Variants in SPON1 observed in about 807,000 individuals in gnomAD.
The protein encoded by SPON1 is spondin 1.
In SPON1, 52 loss-of-function variants were observed where a neutral mutation model predicts 111.7. The ratio of observed to expected loss-of-function variants is 0.47; its 90% CI spans 0.37 to 0.59. SPON1 has a LOEUF of 0.59. Ranked by LOEUF, SPON1 falls within the 20% of genes least tolerant of loss-of-function variation. The pLI, the probability that SPON1 is intolerant of heterozygous loss-of-function variation, is 0.00. For missense variants in SPON1, 957 were observed against 1,068.5 expected, an observed-to-expected ratio of 0.90 and a Z score of 1.46; for synonymous variants, 410 against 395.8, an observed-to-expected ratio of 1.04 and a Z score of -0.43.
In SPON1 at chr11:14,161,171, ATATC is replaced by A. The variant is rs1554931226; in HGVS notation, c.825+25607_825+25610del. On this transcript the variant is annotated intron_variant, in intron 6 of 15. Coordinates refer to ENST00000576479, the MANE Select transcript of SPON1 (RefSeq NM_006108.4). ...ATCTATATATTTTATATATATCTAT[ATATC>A]TATATATTTATATATCTATATATAT... is the stretch of plus-strand genomic sequence containing the variant. Among the ~76,000 whole-genome samples, 2 of 119,894 alleles carry A rather than the reference ATATC, an allele frequency of 1.7e-5. 1 individual carries two copies. Among genetic ancestry groups the A allele is most frequent in the Non-Finnish European group, 3.3e-5 (2 of 61,076 alleles). 78.7% of individuals were successfully genotyped at this position (119,894 alleles called of 152,430 possible). A position where few individuals can be genotyped will look rare whatever the true frequency, so the allele number is the denominator to read the frequency against.
chr11:14,098,520 C>A (rs1462026898), intron 5 of SPON1, among the ~76,000 whole-genome samples: 1 of 152,076 alleles, frequency 6.6e-6, no homozygotes, highest in Non-Finnish European at 1.5e-5. Flanking sequence ...CTCAATAATT[C>A]TTGCCTTAGC....
intron 6 of SPON1, among the ~76,000 whole-genome samples, chr11:14,156,996 G>A (rs981550966): frequency 9.2e-5 from 14 of 152,176 alleles, no homozygotes; most frequent in Admixed American, 4.6e-4. Flanking sequence ...AGATTTGGTC[G>A]AGGACGGAGA....
At chr11:14,198,094 C>T (rs1224746863) in intron 6 of SPON1, among the ~76,000 whole-genome samples, 1 of 152,210 alleles carries the variant, frequency 6.6e-6, no homozygotes, top group African/African-American at 2.4e-5. Flanking sequence ...TAGACGATAA[C>T]TAGAATGGTG....
At chr11:14,239,336 T>C (rs1444919352) in intron 6 of SPON1, among the ~76,000 whole-genome samples, 3 of 152,074 alleles carry the variant, frequency 2.0e-5, no homozygotes, top group African/African-American at 7.2e-5. Flanking sequence ...ATTACATGAG[T>C]TGTCATTTAG....
chr11:14,208,437 AAT>A (rs1317222256), intron 6 of SPON1, among the ~76,000 whole-genome samples: 5 of 152,096 alleles, frequency 3.3e-5, no homozygotes, highest in African/African-American at 9.7e-5. Context: ...AATATATTTC[AAT>A]ATGTTTTTCT....
intron 3 of SPON1, among the ~76,000 whole-genome samples, chr11:14,043,904 G>C (rs142117267): frequency 3.6e-4 from 55 of 152,268 alleles, no homozygotes; most frequent in South Asian, 8.3e-4. Context: ...CAGGCATCCA[G>C]GATATACACA....
chr11:14,191,302 T>G (rs1848345789), intron 6 of SPON1, among the ~76,000 whole-genome samples: 1 of 152,294 alleles, frequency 6.6e-6, no homozygotes, highest in East Asian at 1.9e-4. Flanking sequence ...ACTCGTAGGT[T>G]ATGTTATATA....
chr11:14,226,016 T>C (rs1256125304), intron 6 of SPON1, among the ~76,000 whole-genome samples: 1 of 152,232 alleles, frequency 6.6e-6, no homozygotes, highest in African/African-American at 2.4e-5. Flanking sequence ...TTTTAAAAAT[T>C]TGTAATACCA....
chr11:13,968,459 A>G (rs1269446611), intron 1 of SPON1, among the ~76,000 whole-genome samples: 1 of 152,258 alleles, frequency 6.6e-6, no homozygotes, highest in Non-Finnish European at 1.5e-5. Flanking sequence ...AAAATACACA[A>G]TGACTGTTGA....
chr11:14,127,796 G>GT (rs1382257828), intron 5 of SPON1, among the ~76,000 whole-genome samples: 1 of 152,214 alleles, frequency 6.6e-6, no homozygotes, highest in African/African-American at 2.4e-5. Context: ...AAAAAGAGGT[G>GT]TAATTGACTC....
chr11:14,105,113 C>T (rs1374052162), intron 5 of SPON1, among the ~76,000 whole-genome samples: 1 of 152,030 alleles, frequency 6.6e-6, no homozygotes, highest in Non-Finnish European at 1.5e-5. Context: ...TAACCTTTAA[C>T]TATTTTATTA....
chr11:14,172,749 T>C lies in SPON1; in HGVS notation c.825+37181T>C, dbSNP rs1175789005. Among the ~76,000 whole-genome samples, 528 of 152,064 alleles carry C rather than the reference T, an allele frequency of 3.5e-3. 4 individuals carry two copies. Among genetic ancestry groups the C allele is most frequent in the African/African-American group, 0.012 (500 of 41,550 alleles). On this transcript the variant is annotated intron_variant, in intron 6 of 15. Transcript: ENST00000576479. The stretch of plus-strand genomic sequence containing the variant: ...AAGTATTTTATTTCTCCTTCACTTA[T>C]GAAGCTTAGTTTGGCTGGTTATGAA...
intron 15 of SPON1, chr11:14,263,186 G>A (rs975154486): frequency 5.1e-5 from 28 of 554,288 alleles, no homozygotes; most frequent in Middle Eastern, 4.8e-4. Flanking sequence ...ATTGGCGGTG[G>A]GGGTCATTTA....
chr11:14,183,396 C>G (rs1323917288), intron 6 of SPON1, among the ~76,000 whole-genome samples: 2 of 152,088 alleles, frequency 1.3e-5, no homozygotes, highest in African/African-American at 2.4e-5. Context: ...AGGTATAGAC[C>G]CTTTACCACA....
chr11:14,172,486 A>T (rs1334936117), intron 6 of SPON1, among the ~76,000 whole-genome samples: 1 of 151,770 alleles, frequency 6.6e-6, no homozygotes, highest in East Asian at 1.9e-4. Context: ...CATTTAGCCC[A>T]TTTACATTTA....
chr11:14,254,863 G>A (rs782333731), intron 8 of SPON1, 134 bp downstream of exon 8: 30 of 824,960 alleles, frequency 3.6e-5, no homozygotes, highest in Non-Finnish European at 5.5e-5. Flanking sequence ...TGGCATGGTC[G>A]CATCATCACA....
chr11:13,980,719 T>C (rs1209878137), intron 1 of SPON1, among the ~76,000 whole-genome samples: 1 of 152,234 alleles, frequency 6.6e-6, no homozygotes, highest in African/African-American at 2.4e-5. Flanking sequence ...AAATATTATA[T>C]GTCAAATGAA....
chr11:13,988,020 G>T (rs1156532626), intron 2 of SPON1, among the ~76,000 whole-genome samples: 2 of 152,160 alleles, frequency 1.3e-5, no homozygotes, highest in East Asian at 3.8e-4. Context: ...GCCTAGGATT[G>T]TCTTGGCTAT....
chr11:14,141,029 C>CCCCCCACCCCCCCA (rs71041572), intron 6 of SPON1, among the ~76,000 whole-genome samples: 1 of 132,274 alleles, frequency 7.6e-6, no homozygotes, highest in Non-Finnish European at 1.6e-5. Context: ...GTGCCCCCCC[C>CCCCCCACCCCCCCA]ATGCCCCACT....
Sources: gnomAD v4.1 joint callset for allele counts (sites outside exome capture counted in the v4.1 genomes callset) on GRCh38, gnomAD v4.1.1 for gene constraint, MANE v1.5 for transcripts, NCBI Gene and HGNC (gene_info 2026-07-23, HGNC 2026-07-21) for gene names.